MPDZ: variants seen among roughly 807,000 people sequenced by gnomAD.
MPDZ encodes the protein multiple PDZ domain crumbs cell polarity complex component, also known as multiple PDZ domain protein.
In MPDZ, 234 loss-of-function variants were observed where a neutral mutation model predicts 239.1. That is an observed-to-expected ratio of 0.98 (90% confidence interval 0.88 to 1.09). The LOEUF (loss-of-function observed/expected upper bound fraction) is 1.09. MPDZ is among the 50% of genes least tolerant of loss of function. The pLI is 0.00. For missense variants in MPDZ, 3,175 were observed against 2,510.0 expected (o/e 1.26, Z -5.66); for synonymous variants, 1,048 against 881.3 (o/e 1.19, Z -3.35).
At chr9:13,241,311 A>G (rs1277388011) in intron 3 of MPDZ, among the ~76,000 whole-genome samples, 1 of 152,224 alleles carries the variant, frequency 6.6e-6, no homozygotes, top group Non-Finnish European at 1.5e-5. Context: ...TCATAAAAGT[A>G]AAACTATTTC....
At chr9:13,244,540 T>C (rs1333972635) in intron 3 of MPDZ, among the ~76,000 whole-genome samples, 1 of 152,150 alleles carries the variant, frequency 6.6e-6, no homozygotes, top group Non-Finnish European at 1.5e-5. Flanking sequence ...GTTAGAACAA[T>C]ACACAATGTG....
Position 13,260,117 on chromosome 9 carries a change from T to C in MPDZ, c.-57-9745A>G, listed in dbSNP as rs1027259898. ...TAGGCCTCCCAAAGAGCTGGGATTATAGGTGTGGCCACTGCACCCAGCCAT... is the reference window on the plus strand; with the variant it reads ...TAGGCCTCCCAAAGAGCTGGGATTACAGGTGTGGCCACTGCACCCAGCCAT... On this transcript the variant is annotated intron_variant, in intron 1 of 46. Coordinates refer to ENST00000319217, the MANE Select transcript of MPDZ (RefSeq NM_001378778.1). Among the ~76,000 whole-genome samples, 8 of 151,920 alleles carry C rather than the reference T, an allele frequency of 5.3e-5. 1 individual carries two copies. Among genetic ancestry groups the C allele is most frequent in the Non-Finnish European group, 1.2e-4 (8 of 67,978 alleles).
At chr9:13,263,900 C>T (rs541102519) in intron 1 of MPDZ, among the ~76,000 whole-genome samples, 3 of 152,186 alleles carry the variant, frequency 2.0e-5, no homozygotes, top group Admixed American at 6.5e-5. Context: ...GTTAGTCACA[C>T]AATATATATA....
At chr9:13,224,995 A>T (rs1960080528) in intron 3 of MPDZ, among the ~76,000 whole-genome samples, 2 of 152,102 alleles carry the variant, frequency 1.3e-5, no homozygotes, top group Non-Finnish European at 2.9e-5. Flanking sequence ...GTGGGCCCCA[A>T]GGCCACATGA....
In MPDZ at chr9:13,158,001, A is replaced by G; in HGVS notation, c.3452+17T>C. On this transcript the variant is annotated intron_variant, in intron 24 of 46. Transcript: ENST00000319217. Reference sequence around the variant, plus strand: ...TATATATCCATTGGGTGGACAGAAGACAGAAATAGTCCTTACCGCCTGGGC... The same window carrying G: ...TATATATCCATTGGGTGGACAGAAGGCAGAAATAGTCCTTACCGCCTGGGC... The G allele has an allele frequency of 6.2e-7, 1 of 1,606,376 alleles. No homozygotes were observed. Among genetic ancestry groups the G allele is most frequent in the Non-Finnish European group, 8.5e-7 (1 of 1,174,166 alleles).
chr9:13,123,201 C>T lies in MPDZ; in HGVS notation c.4905G>A (p.Gly1635=), dbSNP rs1238555590. The part of the protein sequence containing the change: ...GCETTIEISK[G]RTGLGLSIVG... ...CGATGCTCAGGCCCAGCCCTGTTCGCCCTTTGGAAATCTCGATGGTTGTTT... is the reference window on the plus strand; with the variant it reads ...CGATGCTCAGGCCCAGCCCTGTTCGTCCTTTGGAAATCTCGATGGTTGTTT... The change falls in exon 36 of 47, where the codon GGG becomes GGA. Residue 1635 remains glycine, a synonymous_variant. Transcript: ENST00000319217. 6.2e-7 allele frequency: 1 copy of T among 1,613,236 alleles called. No individual in the cohort carries two copies. Among genetic ancestry groups the T allele is most frequent in the Non-Finnish European group, 8.5e-7 (1 of 1,179,808 alleles).
At chr9:13,168,267 A>G in intron 22 of MPDZ, 99 bp downstream of exon 22, 1 of 1,056,836 alleles carries the variant, frequency 9.5e-7, no homozygotes, top group Non-Finnish European at 1.4e-6. Context: ...AAATGTGATA[A>G]CGTTTGCATC....
intron 17 of MPDZ, 36 bp from the exon 18 acceptor site, chr9:13,186,422 A>G (rs1253046351): frequency 2.9e-6 from 4 of 1,359,812 alleles, no homozygotes; most frequent in South Asian, 1.3e-5. Flanking sequence ...GAAAAGAGAG[A>G]GAACAGCAAA....
intron 10 of MPDZ, among the ~76,000 whole-genome samples, chr9:13,216,235 T>C (rs1040885433): frequency 3.3e-5 from 5 of 151,740 alleles, no homozygotes; most frequent in African/African-American, 1.2e-4. Context: ...AATAGCCATG[T>C]TTAAAACACA....
chr9:13,155,035 G>A (rs1490864962), intron 24 of MPDZ, among the ~76,000 whole-genome samples: 3 of 152,044 alleles, frequency 2.0e-5, no homozygotes, highest in Admixed American at 6.6e-5. Flanking sequence ...TGGCCAACAC[G>A]GTGAAACCCC....
At chr9:13,219,875 A>ATT in intron 7 of MPDZ, 107 bp from the exon 8 acceptor site, 6 of 1,046,842 alleles carry the variant, frequency 5.7e-6, no homozygotes, top group Non-Finnish European at 8.4e-6. Flanking sequence ...ATGAGTTACC[A>ATT]ATCAGGACAT....
intron 35 of MPDZ, among the ~76,000 whole-genome samples, chr9:13,123,971 A>C (rs1275967530): frequency 6.6e-6 from 1 of 152,182 alleles, no homozygotes; most frequent in Admixed American, 6.5e-5. Context: ...ATTATGAGAA[A>C]AGGGGAATAT....
chr9:13,119,057 C>T (rs1296088320), intron 39 of MPDZ, among the ~76,000 whole-genome samples: 1 of 152,160 alleles, frequency 6.6e-6, no homozygotes, highest in Non-Finnish European at 1.5e-5. Flanking sequence ...ATCAAACTTT[C>T]CCTTCTATGG....
intron 36 of MPDZ, 34 bp from the exon 37 acceptor site, chr9:13,122,204 C>T (rs1292010810): frequency 5.0e-6 from 8 of 1,587,288 alleles, no homozygotes; most frequent in Non-Finnish European, 6.9e-6. Context: ...CCATACTTAT[C>T]CCATTCTCCT....
chr9:13,189,127 T>C (rs1390154970), intron 16 of MPDZ, 134 bp from the exon 17 acceptor site: 1 of 737,734 alleles, frequency 1.4e-6, no homozygotes, highest in Non-Finnish European at 2.1e-6. Flanking sequence ...AAAAAATCCA[T>C]ACAAAATTTC....
intron 11 of MPDZ, among the ~76,000 whole-genome samples, 192 bp downstream of exon 11, chr9:13,205,706 TACTCCATAGTTTATAAAC>T (rs1264203142): frequency 6.6e-6 from 1 of 152,194 alleles, no homozygotes; most frequent in Non-Finnish European, 1.5e-5. Context: ...TTCAGAAGCC[TACTCCATAGTTTATAAAC>T]ACATTGCTGG....
chr9:13,108,091 TC>T (rs1364135729), intron 46 of MPDZ, among the ~76,000 whole-genome samples: 1 of 152,082 alleles, frequency 6.6e-6, no homozygotes, highest in African/African-American at 2.4e-5. Context: ...AAATAAAATA[TC>T]CATAAAGAAC....
At position 13,176,363 on chromosome 9, in the gene MPDZ, C is replaced by T. The variant is rs1168244393; in HGVS notation, c.2704G>A (p.Glu902Lys). 1 of 1,605,316 alleles carries T rather than the reference C, an allele frequency of 6.2e-7. No homozygotes were observed. The highest frequency in any genetic ancestry group is 1.3e-5 in the African/African-American group (1 of 74,786). ...TGCAGGAGATTCTGGGTATATAGTTCCTCCAGAGACATATGCAGATCAAGT... is the reference window on the plus strand; with the variant it reads ...TGCAGGAGATTCTGGGTATATAGTTTCTCCAGAGACATATGCAGATCAAGT... ...PVLDLHMSLE[E>K]LYTQNLLQRQ... The change falls in exon 20 of 47, where the codon GAA becomes AAA. Residue 902 changes from glutamate (E) to lysine (K), a missense_variant. Coordinates refer to ENST00000319217, the MANE Select transcript of MPDZ (RefSeq NM_001378778.1).
chr9:13,149,091 G>A (rs369652349), intron 25 of MPDZ, among the ~76,000 whole-genome samples: 1 of 151,768 alleles, frequency 6.6e-6, no homozygotes, highest in Non-Finnish European at 1.5e-5. Flanking sequence ...TTTAGGTAGT[G>A]TCCTAAATAA....
Sources: gnomAD v4.1 joint callset for allele counts (sites outside exome capture counted in the v4.1 genomes callset) on GRCh38, gnomAD v4.1.1 for gene constraint, MANE v1.5 for transcripts, NCBI Gene and HGNC (gene_info 2026-07-23, HGNC 2026-07-21) for gene names.